The following UGT1A8 variants were observed in gnomAD, a reference collection of about 807,000 sequenced individuals.
UGT1A8 encodes UDP glucuronosyltransferase family 1 member A8.
A neutral mutation model predicts 45.3 loss-of-function variants in UGT1A8; 39 were observed. The ratio of observed to expected loss-of-function variants is 0.86; its 90% CI spans 0.67 to 1.12. The LOEUF is 1.12. UGT1A8 is among the 50% of genes most tolerant of loss of function. The pLI, the probability that UGT1A8 is intolerant of heterozygous loss-of-function variation, is 0.00. For synonymous variants in UGT1A8, 275 were observed against 249.2 expected (o/e 1.10, Z -0.97); for missense variants, 719 against 664.9 (o/e 1.08, Z -0.90).
intron 1 of UGT1A8, among the ~76,000 whole-genome samples, chr2:233,655,225 G>A (rs559496034): frequency 6.6e-6 from 1 of 152,252 alleles, no homozygotes; most frequent in South Asian, 2.1e-4. Flanking sequence ...TGATCACCAG[G>A]GCAAAGTCTA....
chr2:233,633,025 A>G (rs2073219980), intron 1 of UGT1A8, among the ~76,000 whole-genome samples: 1 of 152,182 alleles, frequency 6.6e-6, no homozygotes, highest in Non-Finnish European at 1.5e-5. Flanking sequence ...TAGTTCATCA[A>G]GAATTTTTGG....
intron 1 of UGT1A8, among the ~76,000 whole-genome samples, chr2:233,625,832 A>T (rs544253493): frequency 6.7e-6 from 1 of 150,344 alleles, no homozygotes; most frequent in South Asian, 2.1e-4. Context: ...CTATTGGGTA[A>T]TATGCTCAGT....
At chr2:233,750,125 A>G (rs1331571759) in intron 1 of UGT1A8, among the ~76,000 whole-genome samples, 47 of 151,914 alleles carry the variant, frequency 3.1e-4, no homozygotes, top group Admixed American at 3.1e-3. Flanking sequence ...AAGATGTGGG[A>G]AAGTTTGGAA....
chr2:233,756,334 A>G (rs1057243294), intron 1 of UGT1A8: 3 of 152,176 alleles, frequency 2.0e-5, no homozygotes, highest in African/African-American at 7.2e-5. Context: ...ACCTCTAGTC[A>G]TCTCTTGATT....
chr2:233,735,710 G>A (rs2078686166), intron 1 of UGT1A8, among the ~76,000 whole-genome samples: 1 of 152,114 alleles, frequency 6.6e-6, no homozygotes, highest in Non-Finnish European at 1.5e-5. Context: ...GCCTGGTGGT[G>A]ACAAAATCTC....
At chr2:233,730,691 A>C (rs2078062860) in intron 1 of UGT1A8, among the ~76,000 whole-genome samples, 1 of 152,096 alleles carries the variant, frequency 6.6e-6, no homozygotes, top group Admixed American at 6.5e-5. Flanking sequence ...ATCTCAAATG[A>C]TTCTTCTACT....
At chr2:233,729,281 A>G (rs2077829135) in intron 1 of UGT1A8, 2 of 1,614,144 alleles carry the variant, frequency 1.2e-6, no homozygotes. Context: ...CGGGAGCTCC[A>G]TGCCAGAGGC....
intron 1 of UGT1A8, chr2:233,637,144 T>C (rs1227185232): frequency 3.7e-6 from 6 of 1,613,840 alleles, no homozygotes; most frequent in African/African-American, 1.3e-5. Flanking sequence ...GGAGAGAGTA[T>C]GGAACCACAT....
chr2:233,771,260 C>CT (rs891018282), intron 4 of UGT1A8: 6 of 151,570 alleles, frequency 4.0e-5, no homozygotes, highest in Admixed American at 6.6e-5. Flanking sequence ...ATAGGAGTGC[C>CT]TTTTTTTTTC....
At chr2:233,744,063 A>G (rs181200285) in intron 1 of UGT1A8, 66 of 569,246 alleles carry the variant, frequency 1.2e-4, no homozygotes, top group East Asian at 7.6e-4. Flanking sequence ...GTCGAGGCCT[A>G]TGAGCGCCTC....
chr2:233,654,943 T>C (rs1319712681), intron 1 of UGT1A8, among the ~76,000 whole-genome samples: 1 of 152,014 alleles, frequency 6.6e-6, no homozygotes, highest in African/African-American at 2.4e-5. Context: ...AATACAAAAA[T>C]TAGCACAGTG....
At chr2:233,743,943 G>T in intron 1 of UGT1A8, 1 of 1,352,238 alleles carries the variant, frequency 7.4e-7, no homozygotes. Flanking sequence ...GGCCCACCAG[G>T]CACTGGCACA....
chr2:233,638,384 A>G (rs1388160407), intron 1 of UGT1A8, among the ~76,000 whole-genome samples: 1 of 152,202 alleles, frequency 6.6e-6, no homozygotes, highest in Non-Finnish European at 1.5e-5. Context: ...ATCCAGCCAC[A>G]TCACTAACTT....
At chr2:233,686,854 G>A (rs2074808754) in intron 1 of UGT1A8, among the ~76,000 whole-genome samples, 1 of 151,966 alleles carries the variant, frequency 6.6e-6, no homozygotes, top group African/African-American at 2.4e-5. Flanking sequence ...CCCCACCTAT[G>A]TCTTTCCTTT....
At chr2:233,620,378 C>T (rs2072978996) in intron 1 of UGT1A8, among the ~76,000 whole-genome samples, 1 of 152,198 alleles carries the variant, frequency 6.6e-6, no homozygotes, top group South Asian at 2.1e-4. Context: ...CTGCACCCTA[C>T]ACCCTTTGGC....
intron 1 of UGT1A8, chr2:233,713,639 C>T (rs772966162): frequency 3.1e-6 from 5 of 1,613,978 alleles, no homozygotes; most frequent in South Asian, 1.1e-5. Context: ...ACATGCTCTA[C>T]CCTCTGGCCC....
Position 233,636,684 on chromosome 2 carries a change from G to T in UGT1A8, c.855+18122G>T, listed in dbSNP as rs148859354. On this transcript the variant is annotated intron_variant, in intron 1 of 4. Coordinates refer to ENST00000373450, the MANE Select transcript of UGT1A8 (RefSeq NM_019076.5). ...AGAAACTTATCCTCAGGGGGCATGA[G>T]GTGGTTGTAGTCATGCCAGAGGTGA... The T allele has an allele frequency of 3.7e-4, 592 of 1,614,186 alleles. 1 individual carries two copies. The highest frequency in any genetic ancestry group is 3.6e-3 in the African/African-American group (267 of 75,038).
At chr2:233,645,598 G>T (rs1012369332) in intron 1 of UGT1A8, among the ~76,000 whole-genome samples, 3 of 152,202 alleles carry the variant, frequency 2.0e-5, no homozygotes, top group Non-Finnish European at 4.4e-5. Context: ...GGGGCTACAG[G>T]CCCCATGCAT....
At chr2:233,669,868 A>G (rs904067084) in intron 1 of UGT1A8, among the ~76,000 whole-genome samples, 27 of 152,168 alleles carry the variant, frequency 1.8e-4, no homozygotes, top group Admixed American at 5.2e-4. Context: ...CATTTTTAGT[A>G]GAGATAGGGT....
Sources: allele counts gnomAD v4.1 joint callset (sites outside exome capture counted in the v4.1 genomes callset), GRCh38; gene constraint gnomAD v4.1.1; transcripts MANE v1.5; gene names NCBI Gene and HGNC (gene_info 2026-07-23, HGNC 2026-07-21).